The following BCO2 variants were observed in gnomAD, a reference collection of about 807,000 sequenced individuals.
BCO2 encodes carotenoid-cleaving dioxygenase, mitochondrial.
A neutral mutation model predicts 65.8 loss-of-function variants in BCO2; 56 were observed. That is an observed-to-expected ratio of 0.85 (90% confidence interval 0.69 to 1.06). The LOEUF is 1.06. Ranked by LOEUF, BCO2 falls within the 50% of genes least tolerant of loss-of-function variation. The probability of loss-of-function intolerance (pLI) is 0.00; values close to 1 mark genes in which losing one functional copy is unlikely to be tolerated. For synonymous variants in BCO2, 233 were observed against 242.3 expected (o/e 0.96, Z 0.36); for missense variants, 675 against 698.5 (o/e 0.97, Z 0.38).
At chr11:112,177,676 C>T (rs1592830051) in intron 1 of BCO2, among the ~76,000 whole-genome samples, 1 of 152,160 alleles carries the variant, frequency 6.6e-6, no homozygotes, top group East Asian at 1.9e-4. Flanking sequence ...TACTTATAGC[C>T]TTAGAAGTAA....
chr11:112,192,195 C>T (rs1304389647), intron 2 of BCO2, among the ~76,000 whole-genome samples: 3 of 152,118 alleles, frequency 2.0e-5, no homozygotes, highest in East Asian at 3.8e-4. Context: ...TGTCTTTTTA[C>T]GACTGGCATA....
At chr11:112,185,365 C>G (rs755204270) in intron 2 of BCO2, among the ~76,000 whole-genome samples, 5 of 152,158 alleles carry the variant, frequency 3.3e-5, no homozygotes, top group African/African-American at 1.2e-4. Context: ...ATAAATTTCT[C>G]TCAGTGTCTA....
chr11:112,181,663 A>T lies in BCO2; in HGVS notation c.293+2181A>T. ...ATAAAGAATTCTCAACCACTGGAGGATCATTCACCAATATCCCAAAAGGAA... is the reference window on the plus strand; with the variant it reads ...ATAAAGAATTCTCAACCACTGGAGGTTCATTCACCAATATCCCAAAAGGAA... On this transcript the variant is annotated intron_variant, in intron 2 of 11. Coordinates refer to ENST00000357685, the MANE Select transcript of BCO2 (RefSeq NM_031938.7). 12 of 929,048 alleles carry T rather than the reference A, an allele frequency of 1.3e-5. 1 individual carries two copies. In the South Asian group the frequency reaches 1.4e-4, roughly 11 times the overall value. 57.6% of individuals were successfully genotyped at this position (929,048 alleles called of 1,614,324 possible).
chr11:112,206,069 T>C (rs1189632547), intron 8 of BCO2, among the ~76,000 whole-genome samples: 1 of 152,240 alleles, frequency 6.6e-6, no homozygotes, highest in Non-Finnish European at 1.5e-5. Flanking sequence ...CACTTCACAC[T>C]TGGAAGGTTG....
Position 112,210,456 on chromosome 11 carries a change from T to TAGGGTTTATG in BCO2, c.1195-3268_1195-3267insAGGGTTTATG, listed in dbSNP as rs1415639089. Among the ~76,000 whole-genome samples the TAGGGTTTATG allele has an allele frequency of 2.6e-5, 4 of 152,348 alleles. 1 individual carries two copies. The highest frequency in any genetic ancestry group is 6.5e-5 in the Admixed American group (1 of 15,302). On this transcript the variant is annotated intron_variant, in intron 8 of 11. Transcript: ENST00000357685. ...TTCAGTCCATGCAAGAGCTGGACTA[T>TAGGGTTTATG]TTCTTGTTTATTCTTATTCATAGGG...
rs1355592560 is a variant in BCO2 at position 112,213,737 on chromosome 11, C to T, written c.1208C>T (p.Ala403Val). ...CTTCCCAAACAGGTCCATAATTCAG[C>T]AGCCAAATCTTTCCCTCGAAGGTTT... ...GEGLDQVHNS[A>V]AKSFPRRFVL... is the part of the protein sequence containing the mutation. The change falls in exon 9 of 12, where the codon GCA (alanine) becomes GTA (valine). Residue 403 changes from alanine to valine, a missense_variant. Transcript: ENST00000357685. 6.2e-7 allele frequency: 1 copy of T among 1,613,110 alleles called. No homozygotes were observed. The highest frequency in any genetic ancestry group is 8.5e-7 in the Non-Finnish European group (1 of 1,179,506).
chr11:112,184,774 C>T (rs1867157195), intron 2 of BCO2, among the ~76,000 whole-genome samples: 1 of 152,044 alleles, frequency 6.6e-6, no homozygotes, highest in African/African-American at 2.4e-5. Flanking sequence ...TACCTCCCTA[C>T]CAATGACCTG....
chr11:112,215,201 G>A (rs765048287), intron 10 of BCO2: 2 of 464,076 alleles, frequency 4.3e-6, no homozygotes, highest in Non-Finnish European at 7.8e-6. Context: ...GGTTAGGGTT[G>A]TTAGGACACC....
At chr11:112,215,421 G>A (rs950711576) in intron 10 of BCO2, 8 of 166,752 alleles carry the variant, frequency 4.8e-5, no homozygotes, top group African/African-American at 1.9e-4. Flanking sequence ...ATAAAGAAAA[G>A]AGGTTTAGGC....
chr11:112,208,259 G>A (rs1382316043), intron 8 of BCO2, among the ~76,000 whole-genome samples: 1 of 152,092 alleles, frequency 6.6e-6, no homozygotes, highest in African/African-American at 2.4e-5. Context: ...ACCGCACCTG[G>A]CCGGCAATTG....
At position 112,179,216 on chromosome 11, in the gene BCO2, A is replaced by G. The variant is rs1866961808; in HGVS notation, c.89-62A>G. 4.0e-6 allele frequency: 6 copies of G among 1,493,468 alleles called. No individual in the cohort carries two copies. In the African/African-American group the frequency reaches 5.5e-5, roughly 14 times the overall value. 92.5% of individuals were successfully genotyped at this position (1,493,468 alleles called of 1,614,324 possible). A position where few individuals can be genotyped will look rare whatever the true frequency, so the allele number is the denominator to read the frequency against. The stretch of plus-strand genomic sequence containing the variant: ...TTGATAAGATTATTGTCTGTGGGAA[A>G]CAGGCAAGTTTATAGAAGATTTGGT... On this transcript the variant is annotated intron_variant, in intron 1 of 11. Coordinates refer to ENST00000357685, the MANE Select transcript of BCO2 (RefSeq NM_031938.7).
At chr11:112,207,880 T>C (rs985586991) in intron 8 of BCO2, among the ~76,000 whole-genome samples, 2 of 144,940 alleles carry the variant, frequency 1.4e-5, no homozygotes, top group African/African-American at 4.9e-5. Context: ...GTTAGATTTA[T>C]TCCTAGGTTT....
intron 2 of BCO2, among the ~76,000 whole-genome samples, chr11:112,188,589 C>G (rs1867274078): frequency 6.6e-6 from 1 of 152,128 alleles, no homozygotes; most frequent in Non-Finnish European, 1.5e-5. Context: ...GGCTGTTCCT[C>G]TAAGATACTA....
Position 112,181,228 on chromosome 11 carries a change from C to G in BCO2, c.293+1746C>G, listed in dbSNP as rs1357069394. 19 of 684,076 alleles carry G rather than the reference C, an allele frequency of 2.8e-5. 1 individual carries two copies. The East Asian group carries it at 5.1e-4, about 18-fold the overall frequency. The allele number at this position is 684,076 out of a possible 1,614,324, so 42.4% of individuals were successfully genotyped here. A position where few individuals can be genotyped will look rare whatever the true frequency, so the allele number is the denominator to read the frequency against. On this transcript the variant is annotated intron_variant, in intron 2 of 11. Coordinates refer to ENST00000357685, the MANE Select transcript of BCO2 (RefSeq NM_031938.7). ...ACGGAGTCTCGCTCTGTCGCCCAGG[C>G]TGGAGTGCAGTGGCGGGATCTCGGC... is the stretch of plus-strand genomic sequence containing the variant.
At chr11:112,181,480 C>T (rs760834315) in intron 2 of BCO2, 11 of 698,624 alleles carry the variant, frequency 1.6e-5, no homozygotes, top group Non-Finnish European at 2.2e-5. Context: ...CGCGCCCGGC[C>T]GAGCTTTCTT....
intron 2 of BCO2, chr11:112,180,655 TG>T: frequency 1.6e-6 from 1 of 621,156 alleles, no homozygotes; most frequent in East Asian, 2.8e-5. Context: ...GGCAGAAAGG[TG>T]GCGAAGGGAG....
At chr11:112,175,900 T>C in intron 1 of BCO2, 1 of 472,650 alleles carries the variant, frequency 2.1e-6, no homozygotes, top group Non-Finnish European at 3.8e-6. Context: ...GCCTTCACAT[T>C]TGTATATTTT....
In BCO2 at chr11:112,175,567, G is replaced by A. The variant is rs1566760148; in HGVS notation, c.-35G>A. On this transcript the variant is annotated 5_prime_UTR_variant, in exon 1 of 12. Coordinates refer to ENST00000357685, the MANE Select transcript of BCO2 (RefSeq NM_031938.7). ...AGTACTCAAAACTGCCAGTGTGAGAGGATTTGGAAATCACTGGATCTGCTC... is the reference window on the plus strand; with the variant it reads ...AGTACTCAAAACTGCCAGTGTGAGAAGATTTGGAAATCACTGGATCTGCTC... 6.6e-7 allele frequency: 1 copy of A among 1,517,638 alleles called. No individual in the cohort carries two copies. The highest frequency in any genetic ancestry group is 9.2e-7 in the Non-Finnish European group (1 of 1,092,284). 94.0% of individuals were successfully genotyped at this position (1,517,638 alleles called of 1,614,324 possible).
chr11:112,181,105 A>G (rs958280860), intron 2 of BCO2: 19 of 1,483,820 alleles, frequency 1.3e-5, no homozygotes, highest in Non-Finnish European at 1.6e-5. Context: ...TGAATAAAGA[A>G]CCTGACAGTA....
Sources: allele counts gnomAD v4.1 joint callset (sites outside exome capture counted in the v4.1 genomes callset), GRCh38; gene constraint gnomAD v4.1.1; transcripts MANE v1.5; gene names NCBI Gene and HGNC (gene_info 2026-07-23, HGNC 2026-07-21).